Variants in GALNT18 observed in about 807,000 individuals in gnomAD.
GALNT18 encodes polypeptide N-acetylgalactosaminyltransferase 18, also known as GalNAc-transferase 18.
In GALNT18, 44 loss-of-function variants were observed where a neutral mutation model predicts 69.5. The ratio of observed to expected loss-of-function variants is 0.63; its 90% CI spans 0.50 to 0.81. GALNT18 has a LOEUF of 0.81. Among genes scored for constraint, GALNT18 ranks in the 40% least tolerant of loss-of-function variants. The pLI is 0.00. For synonymous variants in GALNT18, 364 were observed against 318.2 expected (o/e 1.14, Z -1.53); for missense variants, 715 against 810.0 (o/e 0.88, Z 1.42).
chr11:11,459,129 G>A lies in GALNT18; in HGVS notation c.236-10193C>T, dbSNP rs1855985213. Among the ~76,000 whole-genome samples, 1 of 152,144 alleles carries A rather than the reference G, an allele frequency of 6.6e-6. No individual in the cohort carries two copies. Among genetic ancestry groups the A allele is most frequent in the Non-Finnish European group, 1.5e-5 (1 of 68,034 alleles). ...TTGAAAACATCCTTGAATATGTCAA[G>A]TGCCCTAATAATGGTAAGTAAATGC... is the stretch of plus-strand genomic sequence containing the variant. On this transcript the variant is annotated intron_variant, in intron 1 of 10. Transcript: ENST00000227756. The surrounding 1 kb of genome is among the most constrained non-coding windows in gnomAD (Gnocchi z 5.0).
Position 11,327,140 on chromosome 11 carries a change from C to T in GALNT18, c.1458G>A (p.Gly486=). Residue 486 remains glycine, a synonymous_variant, in exon 9 of 11, where the codon GGG becomes GGA. Transcript: ENST00000227756. The stretch of plus-strand genomic sequence containing the variant: ...TGATGGGGACATTCTCTGTATCTGG[C>T]CCCTGGTCAAGACACAAATCAGTCT... ...SLKTDLCLDQ[G]PDTENVPIMY... is the part of the protein sequence containing the mutation. 6.2e-7 allele frequency: 1 copy of T among 1,614,044 alleles called. No homozygotes were observed. Among genetic ancestry groups the T allele is most frequent in the South Asian group, 1.1e-5 (1 of 91,074 alleles).
chr11:11,361,823 G>A (rs1589938017), intron 6 of GALNT18, among the ~76,000 whole-genome samples: 1 of 152,198 alleles, frequency 6.6e-6, no homozygotes, highest in Non-Finnish European at 1.5e-5. Context: ...CAGCACGAAA[G>A]AAGAGGGAAA....
rs1303920963 is a variant in GALNT18 at position 11,620,479 on chromosome 11, C to A, written c.235+880G>T. The stretch of plus-strand genomic sequence containing the variant: ...TTTGGACCCCCGCGCTGGTCTGGAG[C>A]GCACCCAACCAGCGTAACCTTACAC... On this transcript the variant is annotated intron_variant, in intron 1 of 10. Transcript: ENST00000227756. This position sits in a 1 kb window ranked among gnomAD's most constrained non-coding sequence, Gnocchi z 6.9. Among the ~76,000 whole-genome samples the A allele has an allele frequency of 6.6e-6, 1 of 152,114 alleles. No individual in the cohort carries two copies. The highest frequency in any genetic ancestry group is 1.5e-5 in the Non-Finnish European group (1 of 68,008).
intron 1 of GALNT18, among the ~76,000 whole-genome samples, chr11:11,466,671 G>C (rs952338658): frequency 6.6e-6 from 1 of 152,204 alleles, no homozygotes; most frequent in African/African-American, 2.4e-5. Context: ...GGCCAAAGAA[G>C]GTGCTTTGAA....
chr11:11,403,781 C>A lies in GALNT18; in HGVS notation c.596-24517G>T, dbSNP rs887848441. 8.5e-5 allele frequency among the ~76,000 whole-genome samples: 13 copies of A among 152,308 alleles called. 1 individual carries two copies. The South Asian group carries it at 2.7e-3, about 32-fold the overall frequency. On this transcript the variant is annotated intron_variant, in intron 3 of 10. Transcript: ENST00000227756. ...CTCTGCTAACTGCTGTGCCAACTCT[C>A]CCCCTGGCCAGGTACAGGAGAGAGT...
In GALNT18 at chr11:11,337,140, A is replaced by G. The variant is rs1850127993; in HGVS notation, c.1278+3679T>C. 6.6e-6 allele frequency among the ~76,000 whole-genome samples: 1 copy of G among 152,200 alleles called. No homozygotes were observed. The highest frequency in any genetic ancestry group is 1.5e-5 in the Non-Finnish European group (1 of 68,048). Reference sequence around the variant, plus strand: ...CCGCTCAAAATCCTCTCTGAGGATGAGACCCAGATGAGTATTTTTTTAAAA... The same window carrying G: ...CCGCTCAAAATCCTCTCTGAGGATGGGACCCAGATGAGTATTTTTTTAAAA... On this transcript the variant is annotated intron_variant, in intron 7 of 10. Transcript: ENST00000227756. This position sits in a 1 kb window ranked among gnomAD's most constrained non-coding sequence, Gnocchi z 4.9.
In GALNT18 at chr11:11,435,479, A is replaced by G. The variant is rs189721013; in HGVS notation, c.429-2692T>C. On this transcript the variant is annotated intron_variant, in intron 2 of 10. Transcript: ENST00000227756. The surrounding 1 kb of genome is among the most constrained non-coding windows in gnomAD (Gnocchi z 4.4). ...AAAGACTTTTGAACATAAAGTTTTC[A>G]TAAGAAAACTCATTTGAACATAGCT... Among the ~76,000 whole-genome samples the G allele has an allele frequency of 6.6e-6, 1 of 152,236 alleles. No homozygotes were observed. Among genetic ancestry groups the G allele is most frequent in the Non-Finnish European group, 1.5e-5 (1 of 68,044 alleles).
intron 10 of GALNT18, among the ~76,000 whole-genome samples, chr11:11,289,654 T>G: frequency 6.6e-6 from 1 of 152,126 alleles, no homozygotes; most frequent in African/African-American, 2.4e-5. Context: ...CCCCAAGGCA[T>G]CTAGGTGTGC....
chr11:11,365,469 G>A (rs534647953), intron 6 of GALNT18, among the ~76,000 whole-genome samples: 6 of 152,274 alleles, frequency 3.9e-5, no homozygotes, highest in Admixed American at 3.9e-4. Flanking sequence ...ATGTACATGA[G>A]TCTTTATAGT....
At chr11:11,305,894 CA>C (rs1422329908) in intron 9 of GALNT18, among the ~76,000 whole-genome samples, 1 of 152,124 alleles carries the variant, frequency 6.6e-6, no homozygotes, top group Non-Finnish European at 1.5e-5. Context: ...TAAATTATTC[CA>C]GGGACATTTG....
At chr11:11,519,169 G>C (rs1857342209) in intron 1 of GALNT18, among the ~76,000 whole-genome samples, 1 of 152,224 alleles carries the variant, frequency 6.6e-6, no homozygotes, top group Non-Finnish European at 1.5e-5. Context: ...AAGCCCAGGG[G>C]ATGCATCAGC....
intron 9 of GALNT18, among the ~76,000 whole-genome samples, chr11:11,324,063 A>C (rs1849878362): frequency 6.6e-6 from 1 of 152,186 alleles, no homozygotes; most frequent in African/African-American, 2.4e-5. Context: ...TGTCTTTCCC[A>C]TGTGAGGACA....
intron 1 of GALNT18, chr11:11,475,868 T>G (rs1417288484): frequency 6.6e-6 from 1 of 152,124 alleles, no homozygotes; most frequent in Non-Finnish European, 1.5e-5. Context: ...CTTGGTTCCA[T>G]AGAATTCCAA....
At chr11:11,445,808 G>A (rs191642826) in intron 2 of GALNT18, among the ~76,000 whole-genome samples, 13 of 152,328 alleles carry the variant, frequency 8.5e-5, no homozygotes, top group Admixed American at 6.5e-4. Context: ...CGGGGGAGGT[G>A]TGGAAGCTCC....
At chr11:11,281,095 G>C (rs529337279) in intron 10 of GALNT18, among the ~76,000 whole-genome samples, 2 of 152,320 alleles carry the variant, frequency 1.3e-5, no homozygotes, top group East Asian at 3.9e-4. Context: ...CAGCCCAGTG[G>C]TTTGTCTTCC....
intron 1 of GALNT18, among the ~76,000 whole-genome samples, chr11:11,588,152 CTTCCT>C (rs1281539192): frequency 3.3e-5 from 5 of 152,158 alleles, no homozygotes; most frequent in Non-Finnish European, 5.9e-5. Flanking sequence ...GCCATACCCC[CTTCCT>C]GGTTTCATCC....
At chr11:11,374,041 G>A (rs1850976300) in intron 5 of GALNT18, among the ~76,000 whole-genome samples, 2 of 152,142 alleles carry the variant, frequency 1.3e-5, no homozygotes, top group South Asian at 2.1e-4. Context: ...GACTTCTGGG[G>A]CAGAGACTGA....
rs1267768553 is a variant in GALNT18, at chr11:11,603,355, T to C, written c.235+18004A>G. 6.6e-6 allele frequency among the ~76,000 whole-genome samples: 1 copy of C among 152,216 alleles called. No individual in the cohort carries two copies. The highest frequency in any genetic ancestry group is 6.5e-5 in the Admixed American group (1 of 15,274). On this transcript the variant is annotated intron_variant, in intron 1 of 10. Transcript: ENST00000227756. This position sits in a 1 kb window ranked among gnomAD's most constrained non-coding sequence, Gnocchi z 4.5. Reference sequence around the variant, plus strand: ...TCTAGATCTGAGCAGATTTCTCAGCTAAAGCCTAACTGTATGTATGTGGCC... The same window carrying C: ...TCTAGATCTGAGCAGATTTCTCAGCCAAAGCCTAACTGTATGTATGTGGCC...
intron 2 of GALNT18, among the ~76,000 whole-genome samples, chr11:11,445,316 C>T (rs1055058628): frequency 2.6e-5 from 4 of 152,200 alleles, no homozygotes; most frequent in Non-Finnish European, 5.9e-5. Context: ...TAGGACCTAC[C>T]TCAGAAGGTT....
Sources: gnomAD v4.1 joint callset for allele counts (sites outside exome capture counted in the v4.1 genomes callset) on GRCh38, gnomAD v4.1.1 for gene constraint, Gnocchi (gnomAD v3.1) non-coding constraint, MANE v1.5 for transcripts, NCBI Gene and HGNC (gene_info 2026-07-23, HGNC 2026-07-21) for gene names.